The following IL1RAPL1 variants were observed in gnomAD, a reference collection of about 807,000 sequenced individuals.
IL1RAPL1 encodes the protein interleukin-1 receptor accessory protein-like 1.
A neutral mutation model predicts 48.4 loss-of-function variants in IL1RAPL1; 3 were observed. That is an observed-to-expected ratio of 0.06 (90% confidence interval 0.03 to 0.16). The LOEUF (loss-of-function observed/expected upper bound fraction) is 0.16. Among genes scored for constraint, IL1RAPL1 ranks in the 10% least tolerant of loss-of-function variants. The probability of loss-of-function intolerance (pLI) is 1.00; values close to 1 mark genes in which losing one functional copy is unlikely to be tolerated. For missense variants in IL1RAPL1, 349 were observed against 530.6 expected, an observed-to-expected ratio of 0.66 and a Z score of 3.36; for synonymous variants, 185 against 187.7, an observed-to-expected ratio of 0.99 and a Z score of 0.12.
intron 6 of IL1RAPL1, among the ~76,000 whole-genome samples, chrX:29,677,858 A>G (rs1237376962): frequency 8.9e-6 from 1 of 112,160 alleles, no homozygotes; most frequent in African/African-American, 3.2e-5. Context: ...TCTCATGTCC[A>G]ATTATGACAA....
chrX:28,750,324 T>C (rs1208555384), intron 1 of IL1RAPL1, among the ~76,000 whole-genome samples: 1 of 111,798 alleles, frequency 8.9e-6, no homozygotes, highest in African/African-American at 3.2e-5. Flanking sequence ...TACTTAAAAG[T>C]GGAAAAATAA....
chrX:29,515,733 C>G (rs1406862293), intron 5 of IL1RAPL1, among the ~76,000 whole-genome samples: 1 of 111,606 alleles, frequency 9.0e-6, no homozygotes, highest in Non-Finnish European at 1.9e-5. Context: ...GGCTGTAGAA[C>G]AGTGTTGTCA....
chrX:29,211,617 T>C (rs1930770616), intron 2 of IL1RAPL1, among the ~76,000 whole-genome samples: 1 of 110,889 alleles, frequency 9.0e-6, no homozygotes, highest in Non-Finnish European at 1.9e-5. Context: ...ACCTGTAAAG[T>C]GGCCAAGGTA....
At chrX:28,721,814 G>T (rs373725955) in intron 1 of IL1RAPL1, among the ~76,000 whole-genome samples, 2 of 110,695 alleles carry the variant, frequency 1.8e-5, no homozygotes, top group East Asian at 5.7e-4. Context: ...TCTACATATG[G>T]CTAGCCAGTT....
rs760467970 is a variant in IL1RAPL1 at position 29,045,444 on chromosome X, C to T, written c.83-237494C>T. Among the ~76,000 whole-genome samples the T allele has an allele frequency of 4.5e-5, 5 of 111,888 alleles. No individual in the cohort carries two copies. In the East Asian group the frequency reaches 8.4e-4, roughly 19 times the overall value. ...TATTGTTCTTTATTAGGTTTCTTTT[C>T]ATCGTACATGTACATATTCATTTGG... On this transcript the variant is annotated intron_variant, in intron 2 of 10. Transcript: ENST00000378993.
chrX:29,037,223 A>G (rs1313089640), intron 2 of IL1RAPL1, among the ~76,000 whole-genome samples: 1 of 112,095 alleles, frequency 8.9e-6, no homozygotes, highest in Non-Finnish European at 1.9e-5. Flanking sequence ...CTGATTATTT[A>G]ATTCAAAAAG....
chrX:29,750,916 C>T (rs1928445149), intron 6 of IL1RAPL1, among the ~76,000 whole-genome samples: 1 of 111,073 alleles, frequency 9.0e-6, no homozygotes, highest in Non-Finnish European at 1.9e-5. Context: ...GAGTAGGTCA[C>T]TAAGCATCAT....
chrX:29,014,914 T>G (rs186869726), intron 2 of IL1RAPL1, among the ~76,000 whole-genome samples: 35 of 111,708 alleles, frequency 3.1e-4, no homozygotes, highest in African/African-American at 1.1e-3. Context: ...TAGTTGCTGC[T>G]AGTGCCAATC....
At chrX:28,599,632 G>C (rs780017072) in intron 1 of IL1RAPL1, among the ~76,000 whole-genome samples, 7 of 111,229 alleles carry the variant, frequency 6.3e-5, no homozygotes, top group Non-Finnish European at 1.1e-4. Flanking sequence ...CTTCATGTGA[G>C]TGAATGAGAA....
At chrX:28,990,298 T>C (rs1925571882) in intron 2 of IL1RAPL1, among the ~76,000 whole-genome samples, 1 of 111,878 alleles carries the variant, frequency 8.9e-6, no homozygotes, top group Non-Finnish European at 1.9e-5. Flanking sequence ...CCAGCCTTCC[T>C]TTGAGAACAT....
intron 6 of IL1RAPL1, among the ~76,000 whole-genome samples, chrX:29,744,702 T>C (rs969562387): frequency 8.9e-6 from 1 of 112,252 alleles, no homozygotes. Flanking sequence ...TAATTTCAAT[T>C]ATATAATAAA....
chrX:29,160,677 C>G (rs1187111889), intron 2 of IL1RAPL1, among the ~76,000 whole-genome samples: 1 of 112,287 alleles, frequency 8.9e-6, no homozygotes, highest in Admixed American at 9.5e-5. Context: ...AACCATGAAT[C>G]AGTCACTTAA....
intron 5 of IL1RAPL1, among the ~76,000 whole-genome samples, chrX:29,456,775 T>TA (rs1377004693): frequency 9.0e-6 from 1 of 111,580 alleles, no homozygotes; most frequent in Admixed American, 9.6e-5. Flanking sequence ...TTTATATCAC[T>TA]ATTTACATAA....
Position 29,353,534 on chromosome X carries a change from C to T in IL1RAPL1, c.363-42724C>T, listed in dbSNP as rs1933262070. Among the ~76,000 whole-genome samples the T allele has an allele frequency of 2.7e-5, 3 of 111,511 alleles. No homozygotes were observed. The South Asian group carries it at 1.1e-3, about 42-fold the overall frequency. ...GATCTTTTGACCTCAAAAGAATACC[C>T]TTGGTACATTTTCTCATCAAACTAA... On this transcript the variant is annotated intron_variant, in intron 3 of 10. Coordinates refer to ENST00000378993, the MANE Select transcript of IL1RAPL1 (RefSeq NM_014271.4).
At chrX:28,933,017 A>G (rs1205469813) in intron 2 of IL1RAPL1, among the ~76,000 whole-genome samples, 1 of 111,426 alleles carries the variant, frequency 9.0e-6, no homozygotes, top group Non-Finnish European at 1.9e-5. Context: ...GTCTTTCTCC[A>G]TATGATTTTT....
intron 1 of IL1RAPL1, among the ~76,000 whole-genome samples, chrX:28,594,755 C>T (rs1049114632): frequency 5.3e-5 from 6 of 112,262 alleles, no homozygotes; most frequent in African/African-American, 1.3e-4. Flanking sequence ...TGTGATCAGT[C>T]GTCTGACTTC....
chrX:28,969,884 C>T (rs1210371506), intron 2 of IL1RAPL1, among the ~76,000 whole-genome samples: 1 of 107,521 alleles, frequency 9.3e-6, no homozygotes, highest in Non-Finnish European at 1.9e-5. Flanking sequence ...TGTTTCTAAA[C>T]ACATATATAT....
intron 5 of IL1RAPL1, among the ~76,000 whole-genome samples, chrX:29,415,709 G>A (rs1481090718): frequency 1.8e-5 from 2 of 111,999 alleles, no homozygotes; most frequent in East Asian, 2.8e-4. Flanking sequence ...GTGAACCACC[G>A]CGCCCAGCCA....
intron 2 of IL1RAPL1, among the ~76,000 whole-genome samples, chrX:29,271,954 G>A (rs1932048652): frequency 9.0e-6 from 1 of 111,146 alleles, no homozygotes; most frequent in Admixed American, 9.6e-5. Flanking sequence ...ATTTGCTTTT[G>A]GTGTCCTTAT....
Sources: allele counts gnomAD v4.1 joint callset (sites outside exome capture counted in the v4.1 genomes callset), GRCh38; gene constraint gnomAD v4.1.1; transcripts MANE v1.5; gene names NCBI Gene and HGNC (gene_info 2026-07-23, HGNC 2026-07-21).